The following GALNTL6 variants were observed in gnomAD, a reference collection of about 807,000 sequenced individuals.
The protein encoded by GALNTL6 is polypeptide N-acetylgalactosaminyltransferase like 6.
GALNTL6 carries 46 observed loss-of-function variants against 73.7 expected under a neutral mutation model. That is an observed-to-expected ratio of 0.62 (90% CI 0.49 to 0.80). The LOEUF is 0.80. Ranked by LOEUF, GALNTL6 falls within the 30% of genes least tolerant of loss-of-function variation. The probability of loss-of-function intolerance (pLI) is 0.00; values close to 1 mark genes in which losing one functional copy is unlikely to be tolerated. For missense variants in GALNTL6, 604 were observed against 755.0 expected, an observed-to-expected ratio of 0.80 and a Z score of 2.34; for synonymous variants, 259 against 263.7, an observed-to-expected ratio of 0.98 and a Z score of 0.17.
intron 2 of GALNTL6, among the ~76,000 whole-genome samples, chr4:171,870,602 T>C (rs1193918684): frequency 1.3e-5 from 2 of 152,308 alleles, no homozygotes; most frequent in East Asian, 1.9e-4. Context: ...GGAATTCATA[T>C]GTTGAATTCC....
At chr4:171,850,703 T>C (rs931700587) in intron 2 of GALNTL6, among the ~76,000 whole-genome samples, 1 of 152,194 alleles carries the variant, frequency 6.6e-6, no homozygotes. Context: ...TGCTGGTTAG[T>C]TGTGTCTAAA....
chr4:171,879,930 C>T (rs1736392434), intron 2 of GALNTL6, among the ~76,000 whole-genome samples: 1 of 152,022 alleles, frequency 6.6e-6, no homozygotes. Context: ...TCTTTTCATC[C>T]TGAAGAAATA....
intron 11 of GALNTL6, among the ~76,000 whole-genome samples, chr4:173,014,950 C>A (rs758497980): frequency 1.3e-5 from 2 of 152,154 alleles, no homozygotes. Flanking sequence ...ATGGGAGGGA[C>A]CCAGTGGGAG....
At chr4:172,762,105 G>A (rs913025989) in intron 5 of GALNTL6, among the ~76,000 whole-genome samples, 2 of 152,174 alleles carry the variant, frequency 1.3e-5, no homozygotes, top group Non-Finnish European at 2.9e-5. Context: ...CTCAAGTAAT[G>A]TATCTAATTT....
chr4:172,578,197 TA>T (rs924616399), intron 5 of GALNTL6, among the ~76,000 whole-genome samples: 2 of 152,118 alleles, frequency 1.3e-5, no homozygotes, highest in South Asian at 2.1e-4. Context: ...TATCTTTCAT[TA>T]AAAAAAATTT....
chr4:172,659,709 T>C (rs779450999), intron 5 of GALNTL6, among the ~76,000 whole-genome samples: 1 of 152,212 alleles, frequency 6.6e-6, no homozygotes, highest in Non-Finnish European at 1.5e-5. Flanking sequence ...TTTCTATAGA[T>C]AGGATTCAAT....
intron 2 of GALNTL6, among the ~76,000 whole-genome samples, chr4:172,063,947 A>G (rs1016815179): frequency 3.3e-5 from 5 of 152,194 alleles, no homozygotes; most frequent in African/African-American, 1.2e-4. Flanking sequence ...GAAGCATTAC[A>G]TTGCAAATTT....
chr4:172,237,314 T>G (rs2938313), intron 3 of GALNTL6, among the ~76,000 whole-genome samples: 67,071 of 152,098 alleles, frequency 0.44, 16,962 homozygotes, highest in East Asian at 0.78. Context: ...CTGAACTAAT[T>G]TACATCCCCA....
intron 2 of GALNTL6, among the ~76,000 whole-genome samples, chr4:171,936,761 A>C (rs1050022842): frequency 2.6e-5 from 4 of 152,194 alleles, no homozygotes; most frequent in African/African-American, 9.6e-5. Flanking sequence ...ATTCACTTTT[A>C]GAAATAGTTT....
At chr4:172,878,045 ATAT>A (rs776123101) in intron 7 of GALNTL6, among the ~76,000 whole-genome samples, 10 of 151,794 alleles carry the variant, frequency 6.6e-5, no homozygotes, top group Non-Finnish European at 1.3e-4. Flanking sequence ...CAAGTAATTA[ATAT>A]TATATTTTAA....
chr4:172,630,815 A>G (rs1739364228), intron 5 of GALNTL6, among the ~76,000 whole-genome samples: 1 of 150,374 alleles, frequency 6.7e-6, no homozygotes, highest in Non-Finnish European at 1.5e-5. Context: ...CTCTAATTAT[A>G]TAAAAACAAG....
chr4:172,825,042 G>T (rs1428972520), intron 7 of GALNTL6, among the ~76,000 whole-genome samples: 2 of 135,256 alleles, frequency 1.5e-5, no homozygotes, highest in Non-Finnish European at 3.2e-5. Context: ...AAATCGGTGG[G>T]ACAATTCTTT....
At chr4:172,315,631 CA>C in intron 4 of GALNTL6, among the ~76,000 whole-genome samples, 1 of 152,216 alleles carries the variant, frequency 6.6e-6, no homozygotes, top group African/African-American at 2.4e-5. Context: ...AGTGCCAAGT[CA>C]TGTCTGTATC....
chr4:172,723,895 C>T (rs1409722279), intron 5 of GALNTL6, among the ~76,000 whole-genome samples: 2 of 152,044 alleles, frequency 1.3e-5, no homozygotes, highest in Non-Finnish European at 2.9e-5. Context: ...ACAAAAGTAC[C>T]TCTGTACAGG....
At chr4:172,194,168 C>T (rs141441285) in intron 2 of GALNTL6, among the ~76,000 whole-genome samples, 32 of 152,262 alleles carry the variant, frequency 2.1e-4, no homozygotes, top group African/African-American at 5.5e-4. Flanking sequence ...CTGAAAAACA[C>T]GACATGAGAA....
At chr4:172,030,108 C>A (rs766172161) in intron 2 of GALNTL6, among the ~76,000 whole-genome samples, 22 of 152,002 alleles carry the variant, frequency 1.4e-4, no homozygotes, top group Non-Finnish European at 3.1e-4. Flanking sequence ...GGTCACTAAG[C>A]AAATATGAGA....
intron 5 of GALNTL6, among the ~76,000 whole-genome samples, chr4:172,669,763 C>G (rs1045794753): frequency 3.5e-3 from 3 of 858 alleles, no homozygotes; most frequent in South Asian, 0.17. Context: ...TATTTCATCA[C>G]TCAGGTATGA....
chr4:172,763,777 G>A (rs1738247863), intron 5 of GALNTL6, among the ~76,000 whole-genome samples: 1 of 152,070 alleles, frequency 6.6e-6, no homozygotes, highest in South Asian at 2.1e-4. Context: ...TAGTGTTTGT[G>A]AACTCTTTCA....
At chr4:172,495,368 T>G (rs1734037704) in intron 5 of GALNTL6, among the ~76,000 whole-genome samples, 1 of 152,214 alleles carries the variant, frequency 6.6e-6, no homozygotes, top group African/African-American at 2.4e-5. Flanking sequence ...CACTCCTGAC[T>G]GCTGAAGCGA....
Sources: gnomAD v4.1 joint callset for allele counts (sites outside exome capture counted in the v4.1 genomes callset) on GRCh38, gnomAD v4.1.1 for gene constraint, MANE v1.5 for transcripts, NCBI Gene and HGNC (gene_info 2026-07-23, HGNC 2026-07-21) for gene names.